The following MMP24 variants were observed in gnomAD, a reference collection of about 807,000 sequenced individuals.
MMP24 encodes the protein matrix metalloproteinase-24.
In MMP24, 25 loss-of-function variants were observed where a neutral mutation model predicts 62.8. The observed-to-expected ratio is 0.40, with a 90% confidence interval of 0.29 to 0.56. The LOEUF is 0.56. MMP24 is among the 20% of genes least tolerant of loss of function. MMP24 has a pLI of 0.50. For synonymous variants in MMP24, 319 were observed against 350.5 expected, an observed-to-expected ratio of 0.91 and a Z score of 1.00; for missense variants, 634 against 853.6, an observed-to-expected ratio of 0.74 and a Z score of 3.21.
At chr20:35,248,305 C>G (rs1236629912) in intron 2 of MMP24, among the ~76,000 whole-genome samples, 18 of 146,314 alleles carry the variant, frequency 1.2e-4, no homozygotes, top group South Asian at 2.1e-4. Context: ...ATTCCCCCCC[C>G]CTTTTTTTTT....
In MMP24 at chr20:35,271,385, C is replaced by T. The variant is rs1027436107; in HGVS notation, c.1334-184C>T. 3.3e-5 allele frequency among the ~76,000 whole-genome samples: 5 copies of T among 152,156 alleles called. No individual in the cohort carries two copies. Among genetic ancestry groups the T allele is most frequent in the African/African-American group, 9.7e-5 (4 of 41,436 alleles). On this transcript the variant is annotated intron_variant, in intron 7 of 8. Coordinates refer to ENST00000246186, the MANE Select transcript of MMP24 (RefSeq NM_006690.4). The surrounding 1 kb of genome is among the most constrained non-coding windows in gnomAD (Gnocchi z 4.0). ...CACATGAACAAAAGAGGGTGGGACT[C>T]GGAGCCCAGGCAGCAGAGGCAAGTT...
intron 1 of MMP24, among the ~76,000 whole-genome samples, chr20:35,237,333 G>A (rs1325721660): frequency 6.6e-6 from 1 of 152,112 alleles, no homozygotes; most frequent in Non-Finnish European, 1.5e-5. Context: ...GAGAATGCCC[G>A]CATCCCTTGG....
intron 1 of MMP24, among the ~76,000 whole-genome samples, chr20:35,227,793 T>C (rs1481945908): frequency 6.6e-6 from 1 of 152,196 alleles, no homozygotes; most frequent in Non-Finnish European, 1.5e-5. Context: ...ATGAAATAGC[T>C]GCAATTATTA....
In MMP24 at chr20:35,274,645, C is replaced by T. The variant is rs1476973597; in HGVS notation, c.*36C>T. 1 of 1,507,212 alleles carries T rather than the reference C, an allele frequency of 6.6e-7. No individual in the cohort carries two copies. The highest frequency in any genetic ancestry group is 9.0e-7 in the Non-Finnish European group (1 of 1,114,266). The allele number at this position is 1,507,212 out of a possible 1,614,324, so 93.4% of individuals were successfully genotyped here. On this transcript the variant is annotated 3_prime_UTR_variant, in exon 9 of 9. Coordinates refer to ENST00000246186, the MANE Select transcript of MMP24 (RefSeq NM_006690.4). This position sits in a 1 kb window ranked among gnomAD's most constrained non-coding sequence, Gnocchi z 5.1. ...GCCCTCTCTATCCACTTGGTCTGGC[C>T]AGCCAGGCCCTTCCTCACCAGGGTC...
chr20:35,237,602 C>T (rs911348413), intron 1 of MMP24, among the ~76,000 whole-genome samples: 1 of 152,198 alleles, frequency 6.6e-6, no homozygotes, highest in Non-Finnish European at 1.5e-5. Flanking sequence ...ATTATTTTAC[C>T]TACCACAGTG....
At chr20:35,253,868 G>GA (rs2060561366) in intron 3 of MMP24, among the ~76,000 whole-genome samples, 1 of 130,084 alleles carries the variant, frequency 7.7e-6, no homozygotes, top group Non-Finnish European at 1.6e-5. Context: ...TTTCCTTTGG[G>GA]TTTTTTTTTT....
At chr20:35,250,015 T>G (rs932163805) in intron 2 of MMP24, among the ~76,000 whole-genome samples, 1 of 151,812 alleles carries the variant, frequency 6.6e-6, no homozygotes, top group Non-Finnish European at 1.5e-5. Context: ...TGTACTGGTG[T>G]GATCTTGGCT....
chr20:35,237,427 C>T (rs2060469405), intron 1 of MMP24, among the ~76,000 whole-genome samples: 1 of 152,200 alleles, frequency 6.6e-6, no homozygotes, highest in Non-Finnish European at 1.5e-5. Flanking sequence ...CTGCCTTCCT[C>T]TTATAAGGAT....
rs780989329 is a variant in MMP24 at position 35,251,915 on chromosome 20, A to G, written c.406A>G (p.Lys136Glu). The change falls in exon 3 of 9, where the codon AAA (lysine) becomes GAA (glutamate). Residue 136 changes from lysine to glutamate, a missense_variant. Lys to Glu is a moderately conservative substitution (Grantham distance 56). This residue lies in a region of MMP24 where 212 missense variants were observed against 259.6 expected (regional missense o/e 0.82). Transcript: ENST00000246186. ...LDQTTIEWMK[K>E]PRCGVPDHPH... ...CCTCTCTCTGCCCAGGTGGATGAAG[A>G]AACCCCGATGTGGTGTCCCTGATCA... 1 of 1,613,918 alleles carries G rather than the reference A, an allele frequency of 6.2e-7. No individual in the cohort carries two copies. The highest frequency in any genetic ancestry group is 8.5e-7 in the Non-Finnish European group (1 of 1,179,830).
rs1221034798 is a variant in MMP24 at position 35,274,625 on chromosome 20, C to G, written c.*16C>G. The G allele has an allele frequency of 2.5e-6, 4 of 1,575,058 alleles. No homozygotes were observed. The highest frequency in any genetic ancestry group is 3.5e-6 in the Non-Finnish European group (4 of 1,158,704). ...ATGGGTGTGAGCAGCCCAGAGCCCT[C>G]TCTATCCACTTGGTCTGGCCAGCCA... On this transcript the variant is annotated 3_prime_UTR_variant, in exon 9 of 9. Coordinates refer to ENST00000246186, the MANE Select transcript of MMP24 (RefSeq NM_006690.4). The surrounding 1 kb of genome is among the most constrained non-coding windows in gnomAD (Gnocchi z 5.1).
At chr20:35,261,946 G>A (rs998900329) in intron 4 of MMP24, among the ~76,000 whole-genome samples, 4 of 151,936 alleles carry the variant, frequency 2.6e-5, no homozygotes, top group South Asian at 2.1e-4. Context: ...TACTATAGGC[G>A]CAGGCCACCA....
Position 35,267,271 on chromosome 20 carries a change from C to A in MMP24, c.1046C>A (p.Ser349Ter). The A allele has an allele frequency of 1.2e-6, 2 of 1,606,220 alleles. No individual in the cohort carries two copies. The highest frequency in any genetic ancestry group is 1.7e-6 in the Non-Finnish European group (2 of 1,176,682). Reference sequence around the variant, plus strand: ...ACACTCCCCGTCCGCAGGATCCACTCACCATCGGAGAGGAAACACGAGCGC... The same window carrying A: ...ACACTCCCCGTCCGCAGGATCCACTAACCATCGGAGAGGAAACACGAGCGC... ...LPTLPVRRIH[S>*]PSERKHERQP... Residue 349 changes from serine to a stop codon, truncating the protein, a stop_gained, in exon 6 of 9, where the codon TCA becomes TAA. Coordinates refer to ENST00000246186, the MANE Select transcript of MMP24 (RefSeq NM_006690.4). LOFTEE classifies it high-confidence loss of function.
chr20:35,237,544 C>T (rs1442838225), intron 1 of MMP24, among the ~76,000 whole-genome samples: 1 of 152,206 alleles, frequency 6.6e-6, no homozygotes, highest in Non-Finnish European at 1.5e-5. Flanking sequence ...CATAAGGCAA[C>T]ATATTCCCAG....
Position 35,275,129 on chromosome 20 carries a change from G to A in MMP24, c.*520G>A, listed in dbSNP as rs529627873. On this transcript the variant is annotated 3_prime_UTR_variant, in exon 9 of 9. Coordinates refer to ENST00000246186, the MANE Select transcript of MMP24 (RefSeq NM_006690.4). Reference sequence around the variant, plus strand: ...AGGACCCCTGCTTCTGACACAGTGAGCAACAAGCCTGGGTTTCCCTGCTGG... The same window carrying A: ...AGGACCCCTGCTTCTGACACAGTGAACAACAAGCCTGGGTTTCCCTGCTGG... 2.4e-4 allele frequency: 38 copies of A among 158,156 alleles called. No individual in the cohort carries two copies. The highest frequency in any genetic ancestry group is 5.2e-4 in the Admixed American group (9 of 17,146). The allele number at this position is 158,156 out of a possible 1,614,324, so 9.8% of individuals were successfully genotyped here.
intron 2 of MMP24, among the ~76,000 whole-genome samples, chr20:35,247,972 GGA>G (rs1286972930): frequency 6.6e-6 from 1 of 152,178 alleles, no homozygotes; most frequent in African/African-American, 2.4e-5. Flanking sequence ...GTCTAAGATA[GGA>G]GAGAGTTGAA....
intron 4 of MMP24, chr20:35,262,649 A>G (rs1210408584): frequency 6.8e-6 from 1 of 146,560 alleles, no homozygotes; most frequent in African/African-American, 2.7e-5. Context: ...CTCTTTTACT[A>G]ATCCTCCTCA....
In MMP24 at chr20:35,276,203, C is replaced by G. The variant is rs955686155; in HGVS notation, c.*1594C>G. 13 of 398,722 alleles carry G rather than the reference C, an allele frequency of 3.3e-5. No homozygotes were observed. The highest frequency in any genetic ancestry group is 2.7e-4 in the African/African-American group (13 of 48,646). The allele number at this position is 398,722 out of a possible 1,614,324, so 24.7% of individuals were successfully genotyped here. ...CTGCTGCCCTGGGAGCTGTCTCAAG[C>G]AAAATCTCTTGTCCCAGAGGTGCCC... is the stretch of plus-strand genomic sequence containing the variant. On this transcript the variant is annotated 3_prime_UTR_variant, in exon 9 of 9. Transcript: ENST00000246186.
At chr20:35,243,885 G>A (rs1337752878) in intron 1 of MMP24, among the ~76,000 whole-genome samples, 14 of 152,214 alleles carry the variant, frequency 9.2e-5, no homozygotes, top group Admixed American at 8.5e-4. Flanking sequence ...GGAACTGCAA[G>A]TATTGATATT....
chr20:35,267,113 A>G, intron 5 of MMP24, 92 bp from the exon 6 acceptor site: 2 of 1,088,378 alleles, frequency 1.8e-6, no homozygotes, highest in Non-Finnish European at 2.6e-6. Flanking sequence ...ACTGGGACAG[A>G]CTTGTCTCAG....
Sources: gnomAD v4.1 joint callset for allele counts (sites outside exome capture counted in the v4.1 genomes callset) on GRCh38, gnomAD v4.1.1 for gene constraint, gnomAD v4.1.1 regional missense constraint, Gnocchi (gnomAD v3.1) non-coding constraint, MANE v1.5 for transcripts, NCBI Gene and HGNC (gene_info 2026-07-23, HGNC 2026-07-21) for gene names.